ABTB2: variants seen among roughly 807,000 people sequenced by gnomAD.
The protein encoded by ABTB2 is ankyrin repeat and BTB/POZ domain-containing protein 2.
ABTB2 carries 56 observed loss-of-function variants against 104.1 expected under a neutral mutation model. The ratio of observed to expected loss-of-function variants is 0.54; its 90% CI spans 0.43 to 0.67. ABTB2 has a LOEUF of 0.67. Ranked by LOEUF, ABTB2 falls within the 30% of genes least tolerant of loss-of-function variation. The pLI, the probability that ABTB2 is intolerant of heterozygous loss-of-function variation, is 0.00. For synonymous variants in ABTB2, 606 were observed against 608.2 expected (o/e 1.00, Z 0.05); for missense variants, 1,279 against 1,407.7 (o/e 0.91, Z 1.46).
chr11:34,306,236 ATTTTTTTTTTTT>A (rs34872949), intron 1 of ABTB2, among the ~76,000 whole-genome samples: 1,836 of 72,020 alleles, frequency 0.025, 43 homozygotes, highest in African/African-American at 0.08. Flanking sequence ...GGAAAGTTTG[ATTTTTTTTTTTT>A]TTTTTTTTTT....
intron 1 of ABTB2, among the ~76,000 whole-genome samples, chr11:34,268,914 C>T (rs1854280250): frequency 6.6e-6 from 1 of 152,218 alleles, no homozygotes; most frequent in South Asian, 2.1e-4. Flanking sequence ...AGTGGGGCCT[C>T]ATCTTAGCTA....
chr11:34,175,896 C>A (rs974877532), intron 3 of ABTB2, among the ~76,000 whole-genome samples: 47 of 152,320 alleles, frequency 3.1e-4, no homozygotes, highest in Non-Finnish European at 4.0e-4. Flanking sequence ...AGCTCTCACC[C>A]CTGCTTGTCT....
intron 1 of ABTB2, among the ~76,000 whole-genome samples, chr11:34,309,216 C>A (rs1427908700): frequency 6.6e-6 from 1 of 152,194 alleles, no homozygotes; most frequent in African/African-American, 2.4e-5. Context: ...TCAGTTGATA[C>A]CATTGTCTCT....
At chr11:34,242,011 A>G (rs1853924241) in intron 1 of ABTB2, among the ~76,000 whole-genome samples, 1 of 152,226 alleles carries the variant, frequency 6.6e-6, no homozygotes, top group Non-Finnish European at 1.5e-5. Context: ...AAGAAGCAAA[A>G]TGCAGAAGCT....
intron 3 of ABTB2, among the ~76,000 whole-genome samples, chr11:34,186,212 G>C (rs1853096480): frequency 6.6e-6 from 1 of 152,242 alleles, no homozygotes. Context: ...TGCACCCCAG[G>C]CACCTTAAGA....
intron 1 of ABTB2, among the ~76,000 whole-genome samples, chr11:34,355,252 T>C (rs137876396): frequency 3.6e-4 from 54 of 151,138 alleles, no homozygotes; most frequent in Admixed American, 1.4e-3. Context: ...CTGAGAGCTA[T>C]AGTCCAGTAA....
Position 34,210,793 on chromosome 11 carries a change from C to T in ABTB2, c.884-6103G>A, listed in dbSNP as rs150177951. Among the ~76,000 whole-genome samples, 928 of 152,310 alleles carry T rather than the reference C, an allele frequency of 6.1e-3. 11 individuals carry two copies. Among genetic ancestry groups the T allele is most frequent in the African/African-American group, 0.021 (880 of 41,562 alleles). Reference sequence around the variant, plus strand: ...CAGAGGATTACTCCTTTACTGCACTCGCAAGGAAACTTGGCAGGGCGTCTT... The same window carrying T: ...CAGAGGATTACTCCTTTACTGCACTTGCAAGGAAACTTGGCAGGGCGTCTT... On this transcript the variant is annotated intron_variant, in intron 1 of 16. Transcript: ENST00000435224.
chr11:34,287,935 C>T (rs1275576419), intron 1 of ABTB2, among the ~76,000 whole-genome samples: 1 of 152,270 alleles, frequency 6.6e-6, no homozygotes, highest in South Asian at 2.1e-4. Context: ...ATCGTATCCA[C>T]ATCACTTAGA....
At chr11:34,228,874 G>T (rs1436978995) in intron 1 of ABTB2, among the ~76,000 whole-genome samples, 2 of 152,040 alleles carry the variant, frequency 1.3e-5, no homozygotes, top group African/African-American at 4.8e-5. Context: ...AATTCCAGGA[G>T]TTTGGGAGGC....
chr11:34,269,845 A>G (rs1178321339), intron 1 of ABTB2, among the ~76,000 whole-genome samples: 1 of 152,150 alleles, frequency 6.6e-6, no homozygotes, highest in Non-Finnish European at 1.5e-5. Flanking sequence ...ACACCACCTA[A>G]TTTTTCAATA....
In ABTB2 at chr11:34,277,804, T is replaced by C. The variant is rs1399366379; in HGVS notation, c.884-73114A>G. On this transcript the variant is annotated intron_variant, in intron 1 of 16. Coordinates refer to ENST00000435224, the MANE Select transcript of ABTB2 (RefSeq NM_145804.3). ...GAAACAAAACAACAGATTCTCTTTT[T>C]TTTTTTTTTTTTTTTTTGAGATGGA... is the stretch of plus-strand genomic sequence containing the variant. Among the ~76,000 whole-genome samples the C allele has an allele frequency of 1.9e-3, 269 of 144,654 alleles. 4 individuals carry two copies. Among genetic ancestry groups the C allele is most frequent in the African/African-American group, 5.0e-3 (198 of 39,320 alleles). The allele number at this position is 144,654 out of a possible 152,430, so 94.9% of individuals were successfully genotyped here. A position where few individuals can be genotyped will look rare whatever the true frequency, so the allele number is the denominator to read the frequency against.
chr11:34,195,052 C>T lies in ABTB2; in HGVS notation c.1244+2273G>A, dbSNP rs1219973755. On this transcript the variant is annotated intron_variant, in intron 3 of 16. Coordinates refer to ENST00000435224, the MANE Select transcript of ABTB2 (RefSeq NM_145804.3). ...TGGGAACCCTCCTGGGGGAAAGCCACAGGACATGACAAAGATGCCCGGCGG... is the reference window on the plus strand; with the variant it reads ...TGGGAACCCTCCTGGGGGAAAGCCATAGGACATGACAAAGATGCCCGGCGG... Among the ~76,000 whole-genome samples, 6 of 122,544 alleles carry T rather than the reference C, an allele frequency of 4.9e-5. 1 individual carries two copies. Among genetic ancestry groups the T allele is most frequent in the Non-Finnish European group, 9.5e-5 (6 of 62,852 alleles). 80.4% of individuals were successfully genotyped at this position (122,544 alleles called of 152,430 possible).
At chr11:34,282,975 C>A (rs1198396924) in intron 1 of ABTB2, among the ~76,000 whole-genome samples, 1 of 151,466 alleles carries the variant, frequency 6.6e-6, no homozygotes, top group African/African-American at 2.4e-5. Flanking sequence ...GTGGCACGAT[C>A]TCGGCTCACT....
intron 3 of ABTB2, among the ~76,000 whole-genome samples, chr11:34,194,936 T>C (rs1018543532): frequency 6.6e-6 from 1 of 152,124 alleles, no homozygotes; most frequent in African/African-American, 2.4e-5. Context: ...GTGTGTCTAC[T>C]ACCATGCAAG....
chr11:34,208,760 C>A (rs1035585240), intron 1 of ABTB2, among the ~76,000 whole-genome samples: 2 of 152,068 alleles, frequency 1.3e-5, no homozygotes, highest in South Asian at 4.2e-4. Flanking sequence ...ACCTGTGAGT[C>A]ACCCTTATCA....
chr11:34,197,246 T>G, intron 3 of ABTB2, 79 bp downstream of exon 3: 1 of 1,481,038 alleles, frequency 6.8e-7, no homozygotes, highest in Non-Finnish European at 9.4e-7. Flanking sequence ...TGGTCAGTCG[T>G]CAGTCAGTGT....
chr11:34,174,257 G>A (rs1350379052), intron 3 of ABTB2, among the ~76,000 whole-genome samples: 3 of 151,304 alleles, frequency 2.0e-5, no homozygotes, highest in African/African-American at 4.9e-5. Context: ...CCCGGGAGGC[G>A]GAGCTTGCAG....
At chr11:34,234,006 T>G (rs1293716612) in intron 1 of ABTB2, among the ~76,000 whole-genome samples, 1 of 152,180 alleles carries the variant, frequency 6.6e-6, no homozygotes, top group East Asian at 1.9e-4. Flanking sequence ...AAATTTGAAT[T>G]GTCAGCTTGA....
intron 3 of ABTB2, among the ~76,000 whole-genome samples, chr11:34,190,272 C>CACAA (rs1554981975): frequency 1.5e-4 from 17 of 115,134 alleles, no homozygotes; most frequent in African/African-American, 5.7e-4. Flanking sequence ...GCTGCCCCCC[C>CACAA]AAAAAAAAAA....
Sources: gnomAD v4.1 joint callset for allele counts (sites outside exome capture counted in the v4.1 genomes callset) on GRCh38, gnomAD v4.1.1 for gene constraint, MANE v1.5 for transcripts, NCBI Gene and HGNC (gene_info 2026-07-23, HGNC 2026-07-21) for gene names.